The following ADAMTSL1 variants were observed in gnomAD, a reference collection of about 807,000 sequenced individuals.
ADAMTSL1 encodes the protein ADAMTS-like protein 1.
In ADAMTSL1, 126 loss-of-function variants were observed where a neutral mutation model predicts 201.8. That is an observed-to-expected ratio of 0.62 (90% CI 0.54 to 0.72). The LOEUF is 0.72. ADAMTSL1 is among the 30% of genes least tolerant of loss of function. The pLI is 0.00. For synonymous variants in ADAMTSL1, 1,121 were observed against 903.4 expected, an observed-to-expected ratio of 1.24 and a Z score of -4.32; for missense variants, 2,679 against 2,277.8, an observed-to-expected ratio of 1.18 and a Z score of -3.59.
intron 1 of ADAMTSL1, among the ~76,000 whole-genome samples, chr9:18,056,151 A>C (rs1822172152): frequency 7.6e-6 from 1 of 132,254 alleles, no homozygotes; most frequent in East Asian, 1.9e-4. Flanking sequence ...TTCTTTCAGC[A>C]AAAGCTTTTT....
intron 23 of ADAMTSL1, among the ~76,000 whole-genome samples, chr9:18,860,065 A>AGAAGT (rs754544557): frequency 4.6e-5 from 7 of 152,262 alleles, no homozygotes; most frequent in Admixed American, 1.3e-4. Flanking sequence ...ATTACGTCTG[A>AGAAGT]GAAGTGGGAC....
intron 1 of ADAMTSL1, among the ~76,000 whole-genome samples, chr9:18,125,821 C>G (rs1014608806): frequency 1.3e-5 from 2 of 152,180 alleles, no homozygotes; most frequent in Non-Finnish European, 1.5e-5. Flanking sequence ...CATTTTTCTG[C>G]TACTAAATTT....
chr9:18,291,747 TCACACACACACACACA>T (rs368988848), intron 2 of ADAMTSL1, among the ~76,000 whole-genome samples: 7 of 99,806 alleles, frequency 7.0e-5, no homozygotes, highest in Non-Finnish European at 1.4e-4. Flanking sequence ...TCTCTCTCTC[TCACACACACACACACA>T]CACACACACA....
Position 18,826,184 on chromosome 9 carries a change from C to T in ADAMTSL1, c.3935-100C>T, listed in dbSNP as rs962358378. 2.9e-6 allele frequency: 4 copies of T among 1,396,992 alleles called. No homozygotes were observed. The East Asian group carries it at 9.9e-5, about 35-fold the overall frequency. 86.5% of individuals were successfully genotyped at this position (1,396,992 alleles called of 1,614,324 possible). On this transcript the variant is annotated intron_variant, in intron 21 of 28. Transcript: ENST00000380548. ...GTAGAAGATGTCCCTGTAGAGCAGC[C>T]CCAGGGAAGGGGGATTCAAGAAGCT...
chr9:18,143,040 G>A (rs80305267), intron 1 of ADAMTSL1, among the ~76,000 whole-genome samples: 2 of 152,178 alleles, frequency 1.3e-5, no homozygotes, highest in Non-Finnish European at 2.9e-5. Flanking sequence ...GATGATGCAG[G>A]TCTGTCGATG....
At chr9:18,890,707 C>A in intron 25 of ADAMTSL1, 1 of 387,288 alleles carries the variant, frequency 2.6e-6, no homozygotes, top group Non-Finnish European at 5.2e-6. Context: ...TAGCCTGGCC[C>A]GCTCCTTTCT....
chr9:18,017,336 T>G (rs1009053613), intron 1 of ADAMTSL1, among the ~76,000 whole-genome samples: 3 of 151,958 alleles, frequency 2.0e-5, no homozygotes, highest in African/African-American at 7.2e-5. Flanking sequence ...CTTCCAAGTT[T>G]CTAAATCCAG....
At chr9:18,806,746 C>G (rs1468881344) in intron 20 of ADAMTSL1, among the ~76,000 whole-genome samples, 2 of 152,192 alleles carry the variant, frequency 1.3e-5, no homozygotes, top group Admixed American at 1.3e-4. Flanking sequence ...GAGCATTGCT[C>G]CAGGGGTTAC....
At chr9:18,258,130 T>A (rs898981137) in intron 2 of ADAMTSL1, among the ~76,000 whole-genome samples, 1 of 152,218 alleles carries the variant, frequency 6.6e-6, no homozygotes, top group Admixed American at 6.5e-5. Context: ...TTTTATGTTA[T>A]GTGTATTTAC....
At chr9:18,836,974 A>G (rs1358380155) in intron 23 of ADAMTSL1, among the ~76,000 whole-genome samples, 1 of 152,166 alleles carries the variant, frequency 6.6e-6, no homozygotes, top group Non-Finnish European at 1.5e-5. Context: ...CTGAAACTTT[A>G]CTGAAGTCAT....
intron 2 of ADAMTSL1, among the ~76,000 whole-genome samples, chr9:18,184,975 C>G (rs180891108): frequency 6.6e-6 from 1 of 152,266 alleles, no homozygotes; most frequent in Non-Finnish European, 1.5e-5. Flanking sequence ...TTAATTGACA[C>G]AGGTTGAATC....
intron 2 of ADAMTSL1, among the ~76,000 whole-genome samples, chr9:18,374,824 C>T (rs1178090781): frequency 6.6e-6 from 1 of 152,188 alleles, no homozygotes; most frequent in Non-Finnish European, 1.5e-5. Context: ...GTATCAGTCA[C>T]CTATCAACCA....
At chr9:18,418,977 CAA>C (rs1389303308) in intron 2 of ADAMTSL1, among the ~76,000 whole-genome samples, 1 of 152,086 alleles carries the variant, frequency 6.6e-6, no homozygotes, top group Non-Finnish European at 1.5e-5. Flanking sequence ...GTGGTATCGG[CAA>C]AGAGAGAGAC....
At chr9:18,548,807 T>C (rs1820625452) in intron 3 of ADAMTSL1, among the ~76,000 whole-genome samples, 1 of 151,946 alleles carries the variant, frequency 6.6e-6, no homozygotes, top group East Asian at 1.9e-4. Flanking sequence ...ATTAAATAGA[T>C]AGATGAAGAA....
intron 1 of ADAMTSL1, among the ~76,000 whole-genome samples, chr9:18,008,504 A>G (rs1166962976): frequency 2.0e-5 from 3 of 151,960 alleles, no homozygotes; most frequent in African/African-American, 7.2e-5. Flanking sequence ...TGTTTATTCC[A>G]TGGTATCAAC....
chr9:18,266,515 T>C (rs1020303062), intron 2 of ADAMTSL1, among the ~76,000 whole-genome samples: 1 of 152,204 alleles, frequency 6.6e-6, no homozygotes, highest in Non-Finnish European at 1.5e-5. Flanking sequence ...TAGGAACTAT[T>C]GAGTGAGGGT....
chr9:18,389,064 T>G (rs78558417), intron 2 of ADAMTSL1, among the ~76,000 whole-genome samples: 2 of 152,142 alleles, frequency 1.3e-5, no homozygotes, highest in Non-Finnish European at 2.9e-5. Flanking sequence ...CCTAATAGCA[T>G]TGAATTTTAA....
At position 18,704,762 on chromosome 9, in the gene ADAMTSL1, G is replaced by T. The variant is rs1002333328; in HGVS notation, c.1575-1985G>T. On this transcript the variant is annotated intron_variant, in intron 13 of 28. Transcript: ENST00000380548. The stretch of plus-strand genomic sequence containing the variant: ...GCAAGAAGACTTTTTAATCTTTTAG[G>T]ATACCATTTTTTTCCAAGTTCTCTA... Among the ~76,000 whole-genome samples, 3 of 152,166 alleles carry T rather than the reference G, an allele frequency of 2.0e-5. No homozygotes were observed. In the South Asian group the frequency reaches 6.2e-4, roughly 32 times the overall value.
intron 1 of ADAMTSL1, among the ~76,000 whole-genome samples, chr9:18,009,088 A>C (rs578012544): frequency 8.7e-4 from 132 of 152,086 alleles, no homozygotes; most frequent in Non-Finnish European, 1.7e-3. Flanking sequence ...TTATTGTGTC[A>C]TTCATGCCCT....
Sources: allele counts gnomAD v4.1 joint callset (sites outside exome capture counted in the v4.1 genomes callset), GRCh38; gene constraint gnomAD v4.1.1; transcripts MANE v1.5; gene names NCBI Gene and HGNC (gene_info 2026-07-23, HGNC 2026-07-21).